EXTL3: variants seen among roughly 807,000 people sequenced by gnomAD.
The protein encoded by EXTL3 is exostosin like glycosyltransferase 3.
Under a neutral mutation model 69.3 loss-of-function variants are expected in EXTL3, and 27 were observed. The observed-to-expected ratio is 0.39, with a 90% confidence interval of 0.29 to 0.54. EXTL3 has a LOEUF of 0.54. EXTL3 is among the 20% of genes least tolerant of loss of function. EXTL3 has a pLI of 0.69. For synonymous variants in EXTL3, 511 were observed against 499.4 expected, an observed-to-expected ratio of 1.02 and a Z score of -0.31; for missense variants, 1,003 against 1,231.8, an observed-to-expected ratio of 0.81 and a Z score of 2.78.
chr8:28,621,331 C>T (rs1015335649), upstream of EXTL3, among the ~76,000 whole-genome samples: 3 of 152,126 alleles, frequency 2.0e-5, no homozygotes, highest in Non-Finnish European at 2.9e-5. Flanking sequence ...AAAAATGCCA[C>T]GTGTACATGA....
At chr8:28,710,846 C>CT (rs1436132769) in intron 1 of EXTL3, among the ~76,000 whole-genome samples, 1 of 151,758 alleles carries the variant, frequency 6.6e-6, no homozygotes, top group Non-Finnish European at 1.5e-5. Flanking sequence ...TTGTGGTATT[C>CT]TTTATTTTGG....
At chr8:28,724,506 G>A (rs996131500) in intron 3 of EXTL3, among the ~76,000 whole-genome samples, 61 of 151,758 alleles carry the variant, frequency 4.0e-4, no homozygotes, top group Middle Eastern at 3.4e-3. Context: ...GGTGGCTCAC[G>A]CCTGTAATCC....
intron 2 of EXTL3, among the ~76,000 whole-genome samples, chr8:28,611,039 C>G (rs1168261041): frequency 6.6e-6 from 1 of 152,172 alleles, no homozygotes; most frequent in Non-Finnish European, 1.5e-5. Context: ...CACTGCACCC[C>G]CTACATCTGT....
intron 1 of EXTL3, among the ~76,000 whole-genome samples, chr8:28,663,042 C>G (rs954624456): frequency 4.6e-5 from 7 of 152,206 alleles, no homozygotes; most frequent in Non-Finnish European, 1.0e-4. Flanking sequence ...GAGCCAAAAA[C>G]CCTATGCTGA....
intron 1 of EXTL3, among the ~76,000 whole-genome samples, chr8:28,704,205 A>G (rs1349623667): frequency 2.6e-5 from 4 of 152,264 alleles, no homozygotes; most frequent in African/African-American, 4.8e-5. Context: ...GTTAGGCCAT[A>G]AAGTGCAGTG....
intron 1 of EXTL3, among the ~76,000 whole-genome samples, chr8:28,665,995 G>A (rs1807190820): frequency 6.6e-6 from 1 of 152,188 alleles, no homozygotes; most frequent in African/African-American, 2.4e-5. Flanking sequence ...CCTTCCTGGT[G>A]GCGTTTGAAT....
chr8:28,657,035 G>A (rs974184437), intron 1 of EXTL3, among the ~76,000 whole-genome samples: 18 of 151,898 alleles, frequency 1.2e-4, no homozygotes, highest in African/African-American at 4.4e-4. Flanking sequence ...GGGTTCAAGT[G>A]ATTCTTCCAC....
chr8:28,733,531 T>A (rs1365957938), intron 4 of EXTL3, among the ~76,000 whole-genome samples: 2 of 151,448 alleles, frequency 1.3e-5, no homozygotes, highest in Non-Finnish European at 2.9e-5. Flanking sequence ...GACTACAGGC[T>A]CACATTACCA....
intron 6 of EXTL3, among the ~76,000 whole-genome samples, chr8:28,746,876 A>T (rs1054611887): frequency 1.3e-5 from 2 of 152,160 alleles, no homozygotes; most frequent in African/African-American, 4.8e-5. Flanking sequence ...GGGTTTCACC[A>T]TGTTGGCCAG....
Position 28,718,165 on chromosome 8 carries a change from A to C in EXTL3, c.2106A>C (p.Pro702=). 6.2e-7 allele frequency: 1 copy of C among 1,614,176 alleles called. No homozygotes were observed. Among genetic ancestry groups the C allele is most frequent in the East Asian group, 2.2e-5 (1 of 44,884 alleles). ...TGGTGTGGAATTCTCCCAAGCTGCC[A>C]TCAGAGGACCTTCTGTGGCCTGACA... The part of the protein sequence containing the change: ...VVVVWNSPKL[P]SEDLLWPDIG... The change falls in exon 3 of 7, where the codon CCA becomes CCC. Residue 702 remains proline, a synonymous_variant. Transcript: ENST00000220562.
At chr8:28,668,865 CTTTT>C (rs999113088) in intron 1 of EXTL3, among the ~76,000 whole-genome samples, 3 of 94,466 alleles carry the variant, frequency 3.2e-5, no homozygotes, top group South Asian at 3.7e-4. Context: ...GATAGAATCT[CTTTT>C]TTTTTTTTTT....
chr8:28,614,313 A>C (rs1585214529), intron 2 of EXTL3, among the ~76,000 whole-genome samples: 1 of 111,950 alleles, frequency 8.9e-6, no homozygotes, highest in African/African-American at 3.7e-5. Context: ...TCACTCTGCC[A>C]CCCAGACTGG....
rs922437862 is a variant in EXTL3, at chr8:28,646,473, C to T, written c.-53+23663C>T. ...ATTTACTTTTCTGCTTTTTGTCCAG[C>T]AACTCTCTGTGAAATGTGGAGAATG... On this transcript the variant is annotated intron_variant, in intron 1 of 6. Coordinates refer to the EXTL3 transcript ENST00000523149. Among the ~76,000 whole-genome samples, 9 of 152,298 alleles carry T rather than the reference C, an allele frequency of 5.9e-5. No individual in the cohort carries two copies. In the South Asian group the frequency reaches 1.9e-3, roughly 32 times the overall value.
chr8:28,689,472 G>C (rs1800578162), intron 1 of EXTL3, among the ~76,000 whole-genome samples: 1 of 152,126 alleles, frequency 6.6e-6, no homozygotes, highest in Admixed American at 6.5e-5. Flanking sequence ...CTTTGCTTCA[G>C]AGTTTTATTC....
intron 3 of EXTL3, among the ~76,000 whole-genome samples, chr8:28,724,795 A>C (rs920096809): frequency 2.6e-5 from 4 of 152,050 alleles, no homozygotes; most frequent in African/African-American, 7.2e-5. Context: ...GCAAGACTCC[A>C]TCTCAATAAT....
At chr8:28,680,120 G>A (rs1362165509) in intron 1 of EXTL3, among the ~76,000 whole-genome samples, 1 of 151,374 alleles carries the variant, frequency 6.6e-6, no homozygotes, top group Non-Finnish European at 1.5e-5. Context: ...AGCCGGGCTC[G>A]GTGGCTTATG....
At chr8:28,689,972 G>T (rs1391505630) in intron 1 of EXTL3, among the ~76,000 whole-genome samples, 1 of 152,258 alleles carries the variant, frequency 6.6e-6, no homozygotes, top group East Asian at 1.9e-4. Flanking sequence ...AGTCTTTGCT[G>T]ATCCGATCTC....
intron 1 of EXTL3, among the ~76,000 whole-genome samples, chr8:28,711,820 G>A (rs2130725363): frequency 6.6e-6 from 1 of 152,338 alleles, no homozygotes; most frequent in South Asian, 2.1e-4. Flanking sequence ...CAGGGAAGTA[G>A]ATGGAACACT....
At chr8:28,629,410 T>G (rs7837539) in intron 1 of EXTL3, among the ~76,000 whole-genome samples, 10,932 of 150,370 alleles carry the variant, frequency 0.073, 1,074 homozygotes, top group African/African-American at 0.23. Context: ...TAGAGTGAGT[T>G]AGTTCATTCA....
Sources: allele counts gnomAD v4.1 joint callset (sites outside exome capture counted in the v4.1 genomes callset), GRCh38; gene constraint gnomAD v4.1.1; transcripts MANE v1.5; gene names NCBI Gene and HGNC (gene_info 2026-07-23, HGNC 2026-07-21).